The following CAMK2D variants were observed in gnomAD, a reference collection of about 807,000 sequenced individuals.
CAMK2D encodes the protein calcium/calmodulin dependent protein kinase II delta, also known as calcium/calmodulin-dependent protein kinase type II subunit delta.
CAMK2D carries 37 observed loss-of-function variants against 84.0 expected under a neutral mutation model. The ratio of observed to expected loss-of-function variants is 0.44; its 90% confidence interval spans 0.34 to 0.58. CAMK2D has a LOEUF of 0.58. CAMK2D is among the 20% of genes least tolerant of loss of function. CAMK2D has a pLI of 0.02. For missense variants in CAMK2D, 448 were observed against 652.5 expected (o/e 0.69, Z 3.41); for synonymous variants, 202 against 212.5 (o/e 0.95, Z 0.43).
chr4:113,506,803 A>G (rs951272609), intron 13 of CAMK2D, among the ~76,000 whole-genome samples: 8 of 152,088 alleles, frequency 5.3e-5, no homozygotes, highest in African/African-American at 1.7e-4. Context: ...TTTTTCTAGG[A>G]TGTGGTTGCC....
chr4:113,737,124 ACTTT>A (rs1448091374), intron 2 of CAMK2D, among the ~76,000 whole-genome samples: 5 of 152,132 alleles, frequency 3.3e-5, no homozygotes, highest in Non-Finnish European at 5.9e-5. Flanking sequence ...TCACTGATAT[ACTTT>A]CTTTCTTTTC....
Position 113,661,913 on chromosome 4 carries a change from G to C in CAMK2D, c.161-141C>G. ...TTGAAACAATGATAATTCAAATTTAGAATTAAGTGAATAGCACATAGTTCA... is the reference window on the plus strand; with the variant it reads ...TTGAAACAATGATAATTCAAATTTACAATTAAGTGAATAGCACATAGTTCA... On this transcript the variant is annotated intron_variant, in intron 2 of 20. Coordinates refer to ENST00000511664, the MANE Select transcript of CAMK2D (RefSeq NM_001321571.2). 3 of 582,024 alleles carry C rather than the reference G, an allele frequency of 5.2e-6. No homozygotes were observed. The South Asian group carries it at 7.2e-5, about 14-fold the overall frequency. The allele number at this position is 582,024 out of a possible 1,614,324, so 36.1% of individuals were successfully genotyped here.
At chr4:113,551,902 T>C (rs2098632127) in intron 5 of CAMK2D, 129 bp downstream of exon 5, 2 of 447,164 alleles carry the variant, frequency 4.5e-6, no homozygotes, top group African/African-American at 2.0e-5. Context: ...TGGAGTTTTT[T>C]TTCTCTAAGA....
At chr4:113,637,079 C>A (rs779591712) in intron 3 of CAMK2D, among the ~76,000 whole-genome samples, 57 of 152,148 alleles carry the variant, frequency 3.7e-4, no homozygotes, top group Non-Finnish European at 7.6e-4. Context: ...CACACTTGGC[C>A]CACTTACCAT....
At chr4:113,642,510 C>T (rs909270089) in intron 3 of CAMK2D, among the ~76,000 whole-genome samples, 6 of 152,214 alleles carry the variant, frequency 3.9e-5, no homozygotes, top group African/African-American at 1.4e-4. Flanking sequence ...CAAGTGTCAT[C>T]AGAAGTGGAC....
chr4:113,601,287 T>G (rs2098950880), intron 4 of CAMK2D, among the ~76,000 whole-genome samples: 1 of 152,240 alleles, frequency 6.6e-6, no homozygotes, highest in Non-Finnish European at 1.5e-5. Context: ...ATCAAAAGTA[T>G]ATGACAAAGC....
At chr4:113,505,127 C>A (rs1267139956) in intron 13 of CAMK2D, 92 bp from the exon 14 acceptor site, 6 of 606,316 alleles carry the variant, frequency 9.9e-6, no homozygotes, top group Non-Finnish European at 1.6e-5. Context: ...GAGATGTAGA[C>A]ATGAAGATAA....
chr4:113,707,425 T>C (rs1485947049), intron 2 of CAMK2D, among the ~76,000 whole-genome samples: 1 of 152,198 alleles, frequency 6.6e-6, no homozygotes, highest in Admixed American at 6.5e-5. Context: ...TTGGGAATGG[T>C]AACCAGCTGT....
intron 16 of CAMK2D, among the ~76,000 whole-genome samples, chr4:113,482,824 T>C (rs1434899882): frequency 6.6e-6 from 1 of 152,220 alleles, no homozygotes; most frequent in Non-Finnish European, 1.5e-5. Flanking sequence ...TAGTCACATA[T>C]ATGTAATCAG....
At chr4:113,504,439 C>G (rs1031484409) in intron 14 of CAMK2D, among the ~76,000 whole-genome samples, 1 of 152,140 alleles carries the variant, frequency 6.6e-6, no homozygotes, top group African/African-American at 2.4e-5. Context: ...AAACAGAAAG[C>G]TCTAAATTAT....
intron 2 of CAMK2D, among the ~76,000 whole-genome samples, chr4:113,671,732 C>T (rs958590107): frequency 1.3e-5 from 2 of 152,200 alleles, no homozygotes; most frequent in African/African-American, 4.8e-5. Flanking sequence ...ACACCCACCT[C>T]CCAGTCTGCC....
chr4:113,597,489 C>T lies in CAMK2D; in HGVS notation c.275+11663G>A, dbSNP rs144021486. 3.1e-3 allele frequency among the ~76,000 whole-genome samples: 478 copies of T among 152,264 alleles called. 1 individual carries two copies. Among genetic ancestry groups the T allele is most frequent in the Non-Finnish European group, 6.0e-3 (409 of 68,012 alleles). On this transcript the variant is annotated intron_variant, in intron 4 of 20. Coordinates refer to ENST00000511664, the MANE Select transcript of CAMK2D (RefSeq NM_001321571.2). ...CTCTATTCTTCTGCAGCTTTCTCAC[C>T]CCTCTCAGCCTTCAAACAATTGAAG...
chr4:113,458,972 A>G (rs2097337980), intron 18 of CAMK2D, among the ~76,000 whole-genome samples: 1 of 152,172 alleles, frequency 6.6e-6, no homozygotes, highest in Non-Finnish European at 1.5e-5. Context: ...CCTGGTTTAC[A>G]TTTTTCTTGA....
chr4:113,748,526 G>T (rs2099609914), intron 2 of CAMK2D, among the ~76,000 whole-genome samples: 1 of 151,952 alleles, frequency 6.6e-6, no homozygotes, highest in South Asian at 2.1e-4. Flanking sequence ...CTATAATAGT[G>T]CCAGTCATCA....
At chr4:113,527,510 C>A (rs1453408759) in intron 8 of CAMK2D, among the ~76,000 whole-genome samples, 2 of 151,986 alleles carry the variant, frequency 1.3e-5, no homozygotes, top group Admixed American at 6.6e-5. Flanking sequence ...ACTGGGAAAC[C>A]AAACAATTTG....
At chr4:113,613,623 G>T (rs984410697) in intron 3 of CAMK2D, among the ~76,000 whole-genome samples, 12 of 152,008 alleles carry the variant, frequency 7.9e-5, no homozygotes, top group Middle Eastern at 3.2e-3. Flanking sequence ...AGCCACATTT[G>T]TCTCTCTATA....
intron 13 of CAMK2D, among the ~76,000 whole-genome samples, chr4:113,507,031 GA>G (rs1306632394): frequency 6.6e-6 from 1 of 152,058 alleles, no homozygotes; most frequent in East Asian, 1.9e-4. Context: ...TGAGTTAAAT[GA>G]ATATGTGCCT....
chr4:113,597,169 C>T, intron 4 of CAMK2D, among the ~76,000 whole-genome samples: 1 of 152,182 alleles, frequency 6.6e-6, no homozygotes, highest in Non-Finnish European at 1.5e-5. Context: ...TTCTTAAAGT[C>T]ATCATATGCA....
At chr4:113,691,580 C>T (rs2099387229) in intron 2 of CAMK2D, among the ~76,000 whole-genome samples, 1 of 151,998 alleles carries the variant, frequency 6.6e-6, no homozygotes, top group African/African-American at 2.4e-5. Flanking sequence ...TGGTAAAACA[C>T]CGTCTCTATG....
Sources: gnomAD v4.1 joint callset for allele counts (sites outside exome capture counted in the v4.1 genomes callset) on GRCh38, gnomAD v4.1.1 for gene constraint, MANE v1.5 for transcripts, NCBI Gene and HGNC (gene_info 2026-07-23, HGNC 2026-07-21) for gene names.